The following C18orf63 variants were observed in gnomAD, a reference collection of about 807,000 sequenced individuals.
The protein encoded by C18orf63 is uncharacterized protein C18orf63.
In C18orf63, 50 loss-of-function variants were observed where a neutral mutation model predicts 75.3. That is an observed-to-expected ratio of 0.66 (90% CI 0.53 to 0.84). The LOEUF is 0.84. C18orf63 is among the 40% of genes least tolerant of loss of function. C18orf63 has a pLI of 0.00. For missense variants in C18orf63, 732 were observed against 800.2 expected, an observed-to-expected ratio of 0.91 and a Z score of 1.03; for synonymous variants, 232 against 267.6, an observed-to-expected ratio of 0.87 and a Z score of 1.30.
intron 13 of C18orf63, among the ~76,000 whole-genome samples, chr18:74,355,740 C>A (rs1984753828): frequency 6.6e-6 from 1 of 152,092 alleles, no homozygotes; most frequent in Non-Finnish European, 1.5e-5. Context: ...GGCAACATGG[C>A]AAAACCCCTT....
intron 11 of C18orf63, among the ~76,000 whole-genome samples, chr18:74,352,633 G>T (rs1199508581): frequency 6.6e-6 from 1 of 152,120 alleles, no homozygotes; most frequent in Non-Finnish European, 1.5e-5. Context: ...CAGTATAGAT[G>T]CAGCCACCTC....
chr18:74,335,507 A>G (rs932361867), intron 7 of C18orf63, among the ~76,000 whole-genome samples: 4 of 152,126 alleles, frequency 2.6e-5, no homozygotes, highest in African/African-American at 7.2e-5. Context: ...AAGTAATTAA[A>G]TGTTTCTTAA....
Position 74,343,553 on chromosome 18 carries a change from CAGTTCTTTCCAAGGGT to C in C18orf63, c.832_847del (p.Phe278IlefsTer6), listed in dbSNP as rs1283989553. ...CAGTTGCATCAGAAGTCAGCCCATG[CAGTTCTTTCCAAGGGT>C]AGATTCGGAAGTTGTGTTGAAAAGT... On this transcript the variant is annotated frameshift_variant, in exon 11 of 14. Coordinates refer to ENST00000579455, the MANE Select transcript of C18orf63 (RefSeq NM_001174123.2). LOFTEE classifies it high-confidence loss of function. 7 of 1,533,720 alleles carry C rather than the reference CAGTTCTTTCCAAGGGT, an allele frequency of 4.6e-6. No individual in the cohort carries two copies. In the Admixed American group the frequency reaches 1.4e-4, roughly 30 times the overall value.
Position 74,315,920 on chromosome 18 carries a change from C to A in C18orf63, c.-222C>A. Reference sequence around the variant, plus strand: ...AGGAGGGAGCTGAGGCACGCGGGCTCTCAATCGACGCCCCACAGAGACCAA... The same window carrying A: ...AGGAGGGAGCTGAGGCACGCGGGCTATCAATCGACGCCCCACAGAGACCAA... On this transcript the variant is annotated 5_prime_UTR_variant, in exon 1 of 14. Coordinates refer to ENST00000579455, the MANE Select transcript of C18orf63 (RefSeq NM_001174123.2). 1 of 152,434 alleles carries A rather than the reference C, an allele frequency of 6.6e-6. No homozygotes were observed. The highest frequency in any genetic ancestry group is 1.5e-5 in the Non-Finnish European group (1 of 68,168). 9.4% of individuals were successfully genotyped at this position (152,434 alleles called of 1,614,324 possible). A position where few individuals can be genotyped will look rare whatever the true frequency, so the allele number is the denominator to read the frequency against.
At position 74,353,596 on chromosome 18, in the gene C18orf63, G is replaced by T. The variant is rs1488841507; in HGVS notation, c.1329G>T (p.Leu443Phe). 4.6e-6 allele frequency: 7 copies of T among 1,536,148 alleles called. No homozygotes were observed. Among genetic ancestry groups the T allele is most frequent in the Non-Finnish European group, 6.1e-6 (7 of 1,146,924 alleles). Reference protein sequence around the residue: ...PKFVPVFKNRLLQMNKNTSVL... With the variant: ...PKFVPVFKNRFLQMNKNTSVL... The stretch of plus-strand genomic sequence containing the variant: ...TTGTACCAGTTTTCAAAAATAGATT[G>T]TTACAAATGAACAAAAATACCTCAG... The change falls in exon 12 of 14, where the codon TTG becomes TTT. Residue 443 changes from leucine to phenylalanine, a missense_variant. Leu to Phe is a conservative substitution (Grantham distance 22). Around this residue, in one of 3 missense-constraint regions of C18orf63, gnomAD observed 495 missense variants for 508.7 expected, o/e 0.97. Coordinates refer to ENST00000579455, the MANE Select transcript of C18orf63 (RefSeq NM_001174123.2).
Position 74,358,681 on chromosome 18 carries a change from A to G in C18orf63, c.*2234A>G, listed in dbSNP as rs1847195287. 6.6e-6 allele frequency: 1 copy of G among 152,128 alleles called. No individual in the cohort carries two copies. Among genetic ancestry groups the G allele is most frequent in the African/African-American group, 2.4e-5 (1 of 41,444 alleles). 9.4% of individuals were successfully genotyped at this position (152,128 alleles called of 1,614,324 possible). A position where few individuals can be genotyped will look rare whatever the true frequency, so the allele number is the denominator to read the frequency against. On this transcript the variant is annotated 3_prime_UTR_variant, in exon 14 of 14. Coordinates refer to ENST00000579455, the MANE Select transcript of C18orf63 (RefSeq NM_001174123.2). ...AGAACCATTTTAATTTTAAAACCAT[A>G]AGAAAATAATTTTATGTTTGCCTAT...
At chr18:74,326,284 T>C (rs1984205926) in intron 4 of C18orf63, among the ~76,000 whole-genome samples, 1 of 152,230 alleles carries the variant, frequency 6.6e-6, no homozygotes, top group Non-Finnish European at 1.5e-5. Flanking sequence ...TGGATAATAT[T>C]GGGAGACAAT....
intron 11 of C18orf63, among the ~76,000 whole-genome samples, chr18:74,346,666 G>T (rs1281910939): frequency 1.3e-5 from 2 of 152,152 alleles, no homozygotes; most frequent in African/African-American, 2.4e-5. Flanking sequence ...TATATTTCTG[G>T]AATACTTAAG....
chr18:74,341,966 A>G, intron 8 of C18orf63, 66 bp from the exon 9 acceptor site: 1 of 764,342 alleles, frequency 1.3e-6, no homozygotes, highest in Non-Finnish European at 2.1e-6. Context: ...TTTCTAAATC[A>G]TGTAGTTGAC....
chr18:74,320,482 G>A (rs1265118007), intron 2 of C18orf63, 31 bp from the exon 3 acceptor site: 1 of 1,442,370 alleles, frequency 6.9e-7, no homozygotes, highest in Admixed American at 2.0e-5. Flanking sequence ...AACCATACCA[G>A]TCCACTTTGT....
chr18:74,338,737 A>G lies in C18orf63; in HGVS notation c.524A>G (p.Gln175Arg). The G allele has an allele frequency of 7.3e-7, 1 of 1,376,790 alleles. No individual in the cohort carries two copies. 85.3% of individuals were successfully genotyped at this position (1,376,790 alleles called of 1,614,324 possible). A position where few individuals can be genotyped will look rare whatever the true frequency, so the allele number is the denominator to read the frequency against. Residue 175 changes from glutamine (Q) to arginine (R), a missense_variant, in exon 8 of 14, where the codon CAG (glutamine) becomes CGG (arginine). Gln to Arg is a conservative substitution (Grantham distance 43). This residue lies in a region of C18orf63 where 233 missense variants were observed against 272.7 expected (regional missense o/e 0.85). Transcript: ENST00000579455. ...APELKEFEIS[Q>R]SIIKDFHANK... Reference sequence around the variant, plus strand: ...AAGCTAAAAGAGTTTGAGATTTCCCAGAGTATTATAAAGGATTTTCATGCT... The same window carrying G: ...AAGCTAAAAGAGTTTGAGATTTCCCGGAGTATTATAAAGGATTTTCATGCT...
intron 1 of C18orf63, 79 bp downstream of exon 1, chr18:74,316,188 G>A (rs1293217181): frequency 1.3e-5 from 2 of 152,160 alleles, no homozygotes; most frequent in Non-Finnish European, 2.9e-5. Context: ...GGATCCCGGT[G>A]CCGGCGCCGG....
chr18:74,328,947 ATTAT>A (rs1406685914), intron 5 of C18orf63, 44 bp from the exon 6 acceptor site: 11 of 995,194 alleles, frequency 1.1e-5, no homozygotes, highest in East Asian at 5.2e-5. Flanking sequence ...ATCAAGCATG[ATTAT>A]TTATGAGTTG....
chr18:74,344,119 A>AT (rs1453449243), intron 11 of C18orf63, among the ~76,000 whole-genome samples: 1 of 152,074 alleles, frequency 6.6e-6, no homozygotes, highest in Non-Finnish European at 1.5e-5. Flanking sequence ...CTGAAGTATG[A>AT]TCCCTGCTGT....
intron 6 of C18orf63, among the ~76,000 whole-genome samples, chr18:74,329,332 C>CCA (rs1354794546): frequency 6.8e-6 from 1 of 146,506 alleles, no homozygotes; most frequent in Non-Finnish European, 1.5e-5. Context: ...CATGATTGTG[C>CCA]CACTGCATTC....
Position 74,342,038 on chromosome 18 carries a change from A to G in C18orf63, c.618A>G (p.Lys206=). The stretch of plus-strand genomic sequence containing the variant: ...TTCCTCTCATTTTTCATAGTATGAA[A>G]ATGGGACAAATTATAAATATTTTTC... ...SNWCYVLPSM[K]MGQIINIFHA... Residue 206 remains lysine (K), a synonymous_variant, in exon 9 of 14, where the codon AAA becomes AAG. Transcript: ENST00000579455. 1 of 1,498,472 alleles carries G rather than the reference A, an allele frequency of 6.7e-7. No homozygotes were observed. Among genetic ancestry groups the G allele is most frequent in the South Asian group, 1.2e-5 (1 of 82,218 alleles). The allele number at this position is 1,498,472 out of a possible 1,614,324, so 92.8% of individuals were successfully genotyped here.
chr18:74,336,897 T>C (rs1184149008), intron 7 of C18orf63, among the ~76,000 whole-genome samples: 1 of 152,144 alleles, frequency 6.6e-6, no homozygotes, highest in African/African-American at 2.4e-5. Flanking sequence ...TAGTCTTTAA[T>C]AGCCTACTGT....
At position 74,354,672 on chromosome 18, in the gene C18orf63, A is replaced by G. The variant is rs1022546574; in HGVS notation, c.*33+126A>G. ...AATTCTTTGAAACCGTAAAATCAGC[A>G]AAGAAATAGGACATGGTGGGAACAG... On this transcript the variant is annotated intron_variant, in intron 13 of 13. Coordinates refer to ENST00000579455, the MANE Select transcript of C18orf63 (RefSeq NM_001174123.2). The G allele has an allele frequency of 6.8e-6, 4 of 584,604 alleles. No individual in the cohort carries two copies. In the African/African-American group the frequency reaches 7.5e-5, roughly 11 times the overall value. 36.2% of individuals were successfully genotyped at this position (584,604 alleles called of 1,614,324 possible).
rs148963771 is a variant in C18orf63 at position 74,336,007 on chromosome 18, G to T, written c.502-2708G>T. ...ATTGGAGATAATGATATCCCTTCTA[G>T]GGTTGTAAGGAGGTTATGGTGTAAA... On this transcript the variant is annotated intron_variant, in intron 7 of 13. Coordinates refer to ENST00000579455, the MANE Select transcript of C18orf63 (RefSeq NM_001174123.2). Among the ~76,000 whole-genome samples, 9 of 152,180 alleles carry T rather than the reference G, an allele frequency of 5.9e-5. No homozygotes were observed. In the East Asian group the frequency reaches 1.5e-3, roughly 26 times the overall value.
Sources: gnomAD v4.1 joint callset for allele counts (sites outside exome capture counted in the v4.1 genomes callset) on GRCh38, gnomAD v4.1.1 for gene constraint, gnomAD v4.1.1 regional missense constraint, MANE v1.5 for transcripts, NCBI Gene and HGNC (gene_info 2026-07-23, HGNC 2026-07-21) for gene names.